The following SMYD3 variants were observed in gnomAD, a reference collection of about 807,000 sequenced individuals.
The protein encoded by SMYD3 is histone-lysine N-methyltransferase SMYD3.
SMYD3 carries 36 observed loss-of-function variants against 57.7 expected under a neutral mutation model. That is an observed-to-expected ratio of 0.62 (90% CI 0.48 to 0.82). SMYD3 has a LOEUF of 0.82. Ranked by LOEUF, SMYD3 falls within the 40% of genes least tolerant of loss-of-function variation. The probability of loss-of-function intolerance (pLI) is 0.00; values close to 1 mark genes in which losing one functional copy is unlikely to be tolerated. For missense variants in SMYD3, 515 were observed against 538.8 expected (o/e 0.96, Z 0.44); for synonymous variants, 211 against 195.0 (o/e 1.08, Z -0.68).
chr1:245,941,657 A>C (rs1390138707), intron 5 of SMYD3, among the ~76,000 whole-genome samples: 2 of 152,150 alleles, frequency 1.3e-5, no homozygotes, highest in African/African-American at 4.8e-5. Flanking sequence ...AGTAGCTGAG[A>C]TTACAGGTGC....
chr1:245,823,936 C>T (rs1015604834), intron 10 of SMYD3, among the ~76,000 whole-genome samples: 1 of 152,170 alleles, frequency 6.6e-6, no homozygotes, highest in Non-Finnish European at 1.5e-5. Flanking sequence ...CACGTGCTCC[C>T]GAAGGCACCG....
chr1:246,011,448 A>G (rs191943795), intron 5 of SMYD3, among the ~76,000 whole-genome samples: 14 of 152,304 alleles, frequency 9.2e-5, no homozygotes, highest in Non-Finnish European at 1.8e-4. Context: ...ACGGTTTTTC[A>G]TGGTCAGAAA....
intron 10 of SMYD3, among the ~76,000 whole-genome samples, chr1:245,765,986 CT>C (rs2046075720): frequency 6.6e-6 from 1 of 152,186 alleles, no homozygotes; most frequent in Admixed American, 6.5e-5. Context: ...TGAATCTTAA[CT>C]CTTCCTCCCA....
intron 5 of SMYD3, among the ~76,000 whole-genome samples, chr1:246,048,468 A>C (rs1222958808): frequency 1.3e-5 from 2 of 152,222 alleles, no homozygotes; most frequent in African/African-American, 2.4e-5. Flanking sequence ...AAAAGTAAAA[A>C]TACTGGGTCC....
intron 7 of SMYD3, among the ~76,000 whole-genome samples, chr1:245,921,111 G>A (rs997765248): frequency 6.6e-6 from 1 of 152,172 alleles, no homozygotes; most frequent in Admixed American, 6.5e-5. Context: ...CAAGTAAAAA[G>A]TGGGCCAAAG....
At chr1:246,490,362 GCAGA>G (rs1298637286) in intron 1 of SMYD3, among the ~76,000 whole-genome samples, 2 of 152,136 alleles carry the variant, frequency 1.3e-5, no homozygotes, top group African/African-American at 4.8e-5. Context: ...GATGTTATCT[GCAGA>G]CAGAGTGCTC....
At chr1:246,181,430 C>T (rs1029854531) in intron 5 of SMYD3, among the ~76,000 whole-genome samples, 1 of 152,216 alleles carries the variant, frequency 6.6e-6, no homozygotes, top group Non-Finnish European at 1.5e-5. Flanking sequence ...ATCCCTGCCA[C>T]TCCCCACAGC....
intron 1 of SMYD3, among the ~76,000 whole-genome samples, chr1:246,376,813 G>A (rs189101338): frequency 9.8e-4 from 149 of 151,736 alleles, no homozygotes; most frequent in Admixed American, 1.7e-3. Flanking sequence ...AAAAAATAAC[G>A]TATTGGCCGG....
intron 5 of SMYD3, among the ~76,000 whole-genome samples, chr1:246,041,178 G>A (rs187365105): frequency 2.0e-5 from 3 of 152,250 alleles, no homozygotes; most frequent in African/African-American, 2.4e-5. Context: ...GGTGTATAGT[G>A]GGCTATACCA....
intron 1 of SMYD3, among the ~76,000 whole-genome samples, chr1:246,427,256 C>T (rs1250292192): frequency 6.6e-6 from 1 of 152,202 alleles, no homozygotes; most frequent in Non-Finnish European, 1.5e-5. Context: ...AATAGTGGCT[C>T]ACGCCTGTAA....
At chr1:246,227,542 G>C (rs1017019882) in intron 5 of SMYD3, among the ~76,000 whole-genome samples, 1 of 152,136 alleles carries the variant, frequency 6.6e-6, no homozygotes, top group Non-Finnish European at 1.5e-5. Context: ...TTGAACGTGG[G>C]AGGCGGAGGT....
At chr1:246,452,960 A>G (rs2067652307) in intron 1 of SMYD3, among the ~76,000 whole-genome samples, 1 of 152,234 alleles carries the variant, frequency 6.6e-6, no homozygotes, top group Non-Finnish European at 1.5e-5. Context: ...ATATTCATCT[A>G]GAAGTACCAT....
intron 5 of SMYD3, among the ~76,000 whole-genome samples, chr1:246,271,467 T>C (rs546058152): frequency 6.6e-6 from 1 of 152,338 alleles, no homozygotes; most frequent in East Asian, 1.9e-4. Flanking sequence ...TTTGAGTTGA[T>C]TTTTGTATAC....
intron 5 of SMYD3, among the ~76,000 whole-genome samples, chr1:245,978,048 G>A (rs2058495166): frequency 6.6e-6 from 1 of 152,218 alleles, no homozygotes; most frequent in African/African-American, 2.4e-5. Context: ...CCTGGCTCCT[G>A]TCAGCTGTCG....
chr1:246,041,520 C>G lies in SMYD3; in HGVS notation c.532-111583G>C, dbSNP rs548937204. 3.9e-5 allele frequency among the ~76,000 whole-genome samples: 6 copies of G among 152,224 alleles called. No homozygotes were observed. In the South Asian group the frequency reaches 6.2e-4, roughly 16 times the overall value. On this transcript the variant is annotated intron_variant, in intron 5 of 11. Coordinates refer to ENST00000490107, the MANE Select transcript of SMYD3 (RefSeq NM_001167740.2). The stretch of plus-strand genomic sequence containing the variant: ...AACTTCTTTTGTGAAAGGAAAGTCT[C>G]TGTGTGTGTGTGCCTGGGCATGTAT...
intron 10 of SMYD3, among the ~76,000 whole-genome samples, chr1:245,835,927 T>G (rs1250568037): frequency 1.3e-5 from 2 of 152,122 alleles, no homozygotes; most frequent in Admixed American, 6.5e-5. Flanking sequence ...TGGGCAGGAA[T>G]TAAGAGGACA....
At chr1:246,485,370 G>C (rs979740357) in intron 1 of SMYD3, among the ~76,000 whole-genome samples, 1 of 152,194 alleles carries the variant, frequency 6.6e-6, no homozygotes, top group Admixed American at 6.5e-5. Flanking sequence ...AATCCTGTCT[G>C]TACATTTTTC....
rs111272528 is a variant in SMYD3 at position 246,172,048 on chromosome 1, T to C, written c.531+155153A>G. 1.6e-3 allele frequency among the ~76,000 whole-genome samples: 245 copies of C among 152,300 alleles called. 1 individual carries two copies. The highest frequency in any genetic ancestry group is 5.5e-3 in the African/African-American group (228 of 41,558). Reference sequence around the variant, plus strand: ...AAAGTTATGAAAGATAAAAATGGTATACCTATGTAGAGCACTGACCATGAA... The same window carrying C: ...AAAGTTATGAAAGATAAAAATGGTACACCTATGTAGAGCACTGACCATGAA... On this transcript the variant is annotated intron_variant, in intron 5 of 11. Coordinates refer to ENST00000490107, the MANE Select transcript of SMYD3 (RefSeq NM_001167740.2).
At chr1:246,353,253 C>G (rs916512877) in intron 2 of SMYD3, among the ~76,000 whole-genome samples, 3 of 152,160 alleles carry the variant, frequency 2.0e-5, no homozygotes, top group Admixed American at 6.5e-5. Flanking sequence ...ACTGGCTGGG[C>G]ACAGTGGCTG....
Sources: gnomAD v4.1 joint callset for allele counts (sites outside exome capture counted in the v4.1 genomes callset) on GRCh38, gnomAD v4.1.1 for gene constraint, MANE v1.5 for transcripts, NCBI Gene and HGNC (gene_info 2026-07-23, HGNC 2026-07-21) for gene names.